CCDC149: variants seen among roughly 807,000 people sequenced by gnomAD.
CCDC149 encodes coiled-coil domain containing 149, also known as coiled-coil domain-containing protein 149.
In CCDC149, 45 loss-of-function variants were observed where a neutral mutation model predicts 59.9. The ratio of observed to expected loss-of-function variants is 0.75; its 90% confidence interval spans 0.59 to 0.96. CCDC149 has a LOEUF of 0.96. Among genes scored for constraint, CCDC149 ranks in the 40% least tolerant of loss-of-function variants. The probability of loss-of-function intolerance (pLI) is 0.00; values close to 1 mark genes in which losing one functional copy is unlikely to be tolerated. For synonymous variants in CCDC149, 245 were observed against 260.6 expected, an observed-to-expected ratio of 0.94 and a Z score of 0.58; for missense variants, 584 against 664.7, an observed-to-expected ratio of 0.88 and a Z score of 1.33.
At chr4:24,979,784 C>G (rs1335455212) in intron 1 of CCDC149, among the ~76,000 whole-genome samples, 4 of 152,098 alleles carry the variant, frequency 2.6e-5, no homozygotes, top group Non-Finnish European at 5.9e-5. Context: ...GTAAAAGGAA[C>G]CTGCCTAGGG....
chr4:24,912,255 T>A (rs1721918773), intron 1 of CCDC149, among the ~76,000 whole-genome samples: 1 of 152,200 alleles, frequency 6.6e-6, no homozygotes, highest in African/African-American at 2.4e-5. Flanking sequence ...ACTTTTTCGA[T>A]AAATGCCCCT....
rs1185350783 is a variant in CCDC149, at chr4:24,952,834, C to T, written c.-65+27235G>A. Among the ~76,000 whole-genome samples, 4 of 151,492 alleles carry T rather than the reference C, an allele frequency of 2.6e-5. No homozygotes were observed. The South Asian group carries it at 6.3e-4, about 24-fold the overall frequency. ...GTACCCCTTAAATAACTCACCTTTC[C>T]CCCCATCTTCCCCATCCCCTGGCAA... is the stretch of plus-strand genomic sequence containing the variant. On this transcript the variant is annotated intron_variant, in intron 1 of 12. Transcript: ENST00000389609.
intron 1 of CCDC149, among the ~76,000 whole-genome samples, chr4:24,963,788 A>G (rs955538830): frequency 2.6e-5 from 4 of 152,264 alleles, no homozygotes; most frequent in African/African-American, 4.8e-5. Context: ...GGCATTCGTC[A>G]TGAAAATGCT....
chr4:24,862,576 A>G (rs1718450061), intron 3 of CCDC149, among the ~76,000 whole-genome samples: 1 of 152,208 alleles, frequency 6.6e-6, no homozygotes, highest in Non-Finnish European at 1.5e-5. Context: ...GCCTCACAAT[A>G]AATCGTGAAT....
rs199833916 is a variant in CCDC149, at chr4:24,876,510, G to A, written c.225+26C>T. On this transcript the variant is annotated intron_variant, in intron 2 of 12. Coordinates refer to ENST00000635206, the MANE Select transcript of CCDC149 (RefSeq NM_001330643.2). ...TCTTAATTCAGGGAACAGGAAAGTCGCTGAACAGGGCAGCCTAACACTTAC... is the reference window on the plus strand; with the variant it reads ...TCTTAATTCAGGGAACAGGAAAGTCACTGAACAGGGCAGCCTAACACTTAC... 5.9e-4 allele frequency: 929 copies of A among 1,583,094 alleles called. 5 individuals are homozygous for A. The highest frequency in any genetic ancestry group is 4.6e-3 in the Middle Eastern group (27 of 5,914).
intron 1 of CCDC149, among the ~76,000 whole-genome samples, chr4:24,934,225 A>T (rs1336745868): frequency 6.6e-6 from 1 of 152,190 alleles, no homozygotes; most frequent in Non-Finnish European, 1.5e-5. Flanking sequence ...GTGGGAGGTA[A>T]TTGAACCATG....
In CCDC149 at chr4:24,806,696, G is replaced by A. The variant is rs2270224; in HGVS notation, c.*1693C>T. The A allele has an allele frequency of 0.43, 66,081 of 152,716 alleles. 15,314 individuals carry two copies. The highest frequency in any genetic ancestry group is 0.53 in the Admixed American group (8,042 of 15,270). 9.5% of individuals were successfully genotyped at this position (152,716 alleles called of 1,614,324 possible). ...GAGGAGAAGTTGTGGGGGTGGGCCTGGTGGGGAGGGCGATAGGCTGGGACA... is the reference window on the plus strand; with the variant it reads ...GAGGAGAAGTTGTGGGGGTGGGCCTAGTGGGGAGGGCGATAGGCTGGGACA... On this transcript the variant is annotated 3_prime_UTR_variant, in exon 13 of 13. Transcript: ENST00000635206.
At chr4:24,818,974 C>G (rs910657903) in intron 12 of CCDC149, among the ~76,000 whole-genome samples, 5 of 152,186 alleles carry the variant, frequency 3.3e-5, no homozygotes, top group African/African-American at 1.2e-4. Context: ...ATAAGCAAAA[C>G]TTCAAAAGAC....
At position 24,836,456 on chromosome 4, in the gene CCDC149, A is replaced by G; in HGVS notation, c.715T>C (p.Ser239Pro). 1.2e-6 allele frequency: 2 copies of G among 1,611,972 alleles called. No homozygotes were observed. The highest frequency in any genetic ancestry group is 1.7e-6 in the Non-Finnish European group (2 of 1,178,204). The change falls in exon 7 of 13, where the codon TCA (serine) becomes CCA (proline). Residue 239 changes from serine to proline, a missense_variant. By Grantham distance (74) the Ser-to-Pro change is moderately conservative. Transcript: ENST00000635206. ...GCTACCTTGTATTTGGCAATGTTTG[A>G]TTTCAAGAGGTTGACCTCTTCATGG...
At chr4:24,958,539 C>T (rs930783956) in intron 1 of CCDC149, among the ~76,000 whole-genome samples, 10 of 152,124 alleles carry the variant, frequency 6.6e-5, no homozygotes, top group Non-Finnish European at 1.0e-4. Flanking sequence ...TGACAGTTGA[C>T]AAGGACGTTA....
At chr4:24,879,025 G>A (rs1335288867) in intron 1 of CCDC149, among the ~76,000 whole-genome samples, 1 of 152,208 alleles carries the variant, frequency 6.6e-6, no homozygotes, top group Non-Finnish European at 1.5e-5. Flanking sequence ...ACTGGCCCGG[G>A]ATTTGAAGAG....
chr4:24,841,008 G>A (rs1296169957), intron 4 of CCDC149, among the ~76,000 whole-genome samples: 1 of 152,126 alleles, frequency 6.6e-6, no homozygotes, highest in Non-Finnish European at 1.5e-5. Flanking sequence ...TAGCAAAACT[G>A]GTCATTCCAC....
At chr4:24,952,621 AAAAAAATATATATATAT>A (rs1723339471) in intron 1 of CCDC149, among the ~76,000 whole-genome samples, 1 of 20,198 alleles carries the variant, frequency 5.0e-5, no homozygotes, top group African/African-American at 1.8e-4. Context: ...AAAAAAAAAA[AAAAAAATATATATATAT>A]ATATATATAT....
At position 24,880,345 on chromosome 4, in the gene CCDC149, A is replaced by G. The variant is rs147513525; in HGVS notation, c.64-3648T>C. 1.5e-4 allele frequency among the ~76,000 whole-genome samples: 23 copies of G among 152,324 alleles called. No individual in the cohort carries two copies. The East Asian group carries it at 4.4e-3, about 29-fold the overall frequency. ...GTGCCATCTAGGTTTGTGTAAGTAC[A>G]CTCTATGATGTTCACACAATGACGA... On this transcript the variant is annotated intron_variant, in intron 1 of 12. Coordinates refer to ENST00000635206, the MANE Select transcript of CCDC149 (RefSeq NM_001330643.2).
intron 1 of CCDC149, among the ~76,000 whole-genome samples, chr4:24,930,662 C>A (rs1427244777): frequency 2.0e-5 from 3 of 152,098 alleles, no homozygotes; most frequent in Non-Finnish European, 2.9e-5. Flanking sequence ...TCCCTGCCCC[C>A]TCAATGAGGG....
chr4:24,834,546 G>A (rs916854304), intron 8 of CCDC149, among the ~76,000 whole-genome samples: 9 of 152,158 alleles, frequency 5.9e-5, no homozygotes, highest in African/African-American at 2.2e-4. Context: ...CCTTGGAGAT[G>A]CTGAATTGGT....
intron 1 of CCDC149, among the ~76,000 whole-genome samples, chr4:24,890,685 C>T (rs1256008520): frequency 6.6e-6 from 1 of 152,212 alleles, no homozygotes; most frequent in East Asian, 1.9e-4. Context: ...CAAGATGAAG[C>T]TTCAACTCAA....
intron 1 of CCDC149, among the ~76,000 whole-genome samples, chr4:24,948,185 C>G (rs544013006): frequency 7.2e-5 from 11 of 152,256 alleles, no homozygotes; most frequent in Admixed American, 2.0e-4. Flanking sequence ...GCGTGTGACT[C>G]TGAAGTACAT....
At chr4:24,968,516 T>C (rs1338499652) in intron 1 of CCDC149, among the ~76,000 whole-genome samples, 2 of 152,232 alleles carry the variant, frequency 1.3e-5, no homozygotes, top group Non-Finnish European at 2.9e-5. Flanking sequence ...TCTTGGGACC[T>C]GTAGTCCTAA....
Sources: gnomAD v4.1 joint callset for allele counts (sites outside exome capture counted in the v4.1 genomes callset) on GRCh38, gnomAD v4.1.1 for gene constraint, MANE v1.5 for transcripts, NCBI Gene and HGNC (gene_info 2026-07-23, HGNC 2026-07-21) for gene names.